TIMP3: variants seen among roughly 807,000 people sequenced by gnomAD.
The protein encoded by TIMP3 is TIMP metallopeptidase inhibitor 3, also known as metalloproteinase inhibitor 3.
In TIMP3, 11 loss-of-function variants were observed where a neutral mutation model predicts 30.0. The observed-to-expected ratio is 0.37, with a 90% CI of 0.23 to 0.61. The LOEUF (loss-of-function observed/expected upper bound fraction) is 0.61, where lower values mean the gene tolerates loss of function less well. Among genes scored for constraint, TIMP3 ranks in the 20% least tolerant of loss-of-function variants. TIMP3 has a pLI of 0.70. For missense variants in TIMP3, 181 were observed against 276.8 expected (o/e 0.65, Z 2.45); for synonymous variants, 112 against 111.3 (o/e 1.01, Z -0.04).
chr22:32,855,177 G>A (rs770100382), intron 2 of TIMP3, among the ~76,000 whole-genome samples: 4 of 152,196 alleles, frequency 2.6e-5, no homozygotes, highest in African/African-American at 9.7e-5. Context: ...ACAGAATTGT[G>A]CAACACCTTG....
In TIMP3 at chr22:32,838,568, C is replaced by T. The variant is rs2047802577; in HGVS notation, c.122-10884C>T. Among the ~76,000 whole-genome samples the T allele has an allele frequency of 2.0e-5, 3 of 152,156 alleles. No homozygotes were observed. The South Asian group carries it at 6.2e-4, about 32-fold the overall frequency. Reference sequence around the variant, plus strand: ...CCTTCCACAGACACATCAACAAGTTCATGGGGGTCTCCTGTAATAGGGTCC... The same window carrying T: ...CCTTCCACAGACACATCAACAAGTTTATGGGGGTCTCCTGTAATAGGGTCC... On this transcript the variant is annotated intron_variant, in intron 1 of 4. Transcript: ENST00000266085.
At chr22:32,820,039 G>T (rs1027888233) in intron 1 of TIMP3, among the ~76,000 whole-genome samples, 2 of 152,054 alleles carry the variant, frequency 1.3e-5, no homozygotes. Flanking sequence ...TTGGTGTGGG[G>T]GGTGGTGCAA....
chr22:32,846,495 G>T (rs987352207), intron 1 of TIMP3, among the ~76,000 whole-genome samples: 1 of 152,196 alleles, frequency 6.6e-6, no homozygotes, highest in African/African-American at 2.4e-5. Context: ...AACACATGAG[G>T]TTTGGGATGG....
chr22:32,849,479 A>G lies in TIMP3; in HGVS notation c.149A>G (p.Lys50Arg). 1 of 1,613,828 alleles carries G rather than the reference A, an allele frequency of 6.2e-7. No individual in the cohort carries two copies. The highest frequency in any genetic ancestry group is 8.5e-7 in the Non-Finnish European group (1 of 1,179,886). The stretch of plus-strand genomic sequence containing the variant: ...ATCCGGGCCAAGGTGGTGGGGAAGA[A>G]GCTGGTAAAGGAGGGGCCCTTCGGC... ...IVIRAKVVGK[K>R]LVKEGPFGTL... Residue 50 changes from lysine to arginine, a missense_variant, in exon 2 of 5, where the codon AAG (lysine) becomes AGG (arginine). This residue lies in a region of TIMP3 where 71 missense variants were observed against 79.7 expected (regional missense o/e 0.89). Coordinates refer to ENST00000266085, the MANE Select transcript of TIMP3 (RefSeq NM_000362.5).
chr22:32,844,581 C>T (rs560840404), intron 1 of TIMP3, among the ~76,000 whole-genome samples: 1 of 152,138 alleles, frequency 6.6e-6, no homozygotes, highest in Non-Finnish European at 1.5e-5. Flanking sequence ...TTCAAGAGGG[C>T]CCCATATATA....
chr22:32,814,131 TGTGTGTGTGTGA>T lies in TIMP3; in HGVS notation c.121+12011_121+12022del, dbSNP rs1367653234. 1.1e-3 allele frequency among the ~76,000 whole-genome samples: 151 copies of T among 134,560 alleles called. 1 individual carries two copies. Among genetic ancestry groups the T allele is most frequent in the South Asian group, 3.7e-3 (15 of 4,072 alleles). 88.3% of individuals were successfully genotyped at this position (134,560 alleles called of 152,430 possible). A position where few individuals can be genotyped will look rare whatever the true frequency, so the allele number is the denominator to read the frequency against. ...TCGTGTGTGTGTGTGTGTGTGTGTG[TGTGTGTGTGTGA>T]GAGAGAGAGAGAGAGAGAGAGAGAA... On this transcript the variant is annotated intron_variant, in intron 1 of 4. Coordinates refer to ENST00000266085, the MANE Select transcript of TIMP3 (RefSeq NM_000362.5).
Position 32,862,807 on chromosome 22 carries a change from A to C in TIMP3, c.*3430A>C, listed in dbSNP as rs2048582560. On this transcript the variant is annotated 3_prime_UTR_variant, in exon 5 of 5. Coordinates refer to ENST00000266085, the MANE Select transcript of TIMP3 (RefSeq NM_000362.5). ...CCAGCATCCGCCTTTCCCTTTAGCC[A>C]GTCTGCTGTCCTGAAACCCAGAAGT... is the stretch of plus-strand genomic sequence containing the variant. 6.6e-6 allele frequency: 1 copy of C among 152,640 alleles called. No individual in the cohort carries two copies. Among genetic ancestry groups the C allele is most frequent in the Non-Finnish European group, 1.5e-5 (1 of 68,038 alleles). The allele number at this position is 152,640 out of a possible 1,614,324, so 9.5% of individuals were successfully genotyped here. A position where few individuals can be genotyped will look rare whatever the true frequency, so the allele number is the denominator to read the frequency against.
intron 1 of TIMP3, among the ~76,000 whole-genome samples, chr22:32,818,660 C>T (rs546517951): frequency 1.8e-4 from 28 of 152,316 alleles, no homozygotes; most frequent in African/African-American, 4.3e-4. Flanking sequence ...TCCCCTCCGG[C>T]GCTGGGCCTC....
intron 2 of TIMP3, 76 bp from the exon 3 acceptor site, chr22:32,857,172 AC>A: frequency 1.8e-6 from 2 of 1,096,530 alleles, no homozygotes; most frequent in Non-Finnish European, 2.8e-6. Flanking sequence ...TTGGATACAT[AC>A]CCAGCAGTGG....
At chr22:32,831,997 C>T (rs1266106874) in intron 1 of TIMP3, among the ~76,000 whole-genome samples, 1 of 152,152 alleles carries the variant, frequency 6.6e-6, no homozygotes, top group East Asian at 1.9e-4. Flanking sequence ...TGTTACAGAT[C>T]AGCAATGTCC....
At chr22:32,812,734 G>A (rs903802299) in intron 1 of TIMP3, among the ~76,000 whole-genome samples, 1 of 152,198 alleles carries the variant, frequency 6.6e-6, no homozygotes, top group African/African-American at 2.4e-5. Context: ...TGATCTGATG[G>A]AACCTTTGTT....
At chr22:32,857,182 GGGATT>G (rs1227337964) in intron 2 of TIMP3, 62 bp from the exon 3 acceptor site, 2 of 1,199,320 alleles carry the variant, frequency 1.7e-6, no homozygotes, top group African/African-American at 3.0e-5. Context: ...ACCCAGCAGT[GGGATT>G]AGGGATCATA....
At chr22:32,835,433 A>C (rs113001019) in intron 1 of TIMP3, among the ~76,000 whole-genome samples, 1 of 152,270 alleles carries the variant, frequency 6.6e-6, no homozygotes, top group Non-Finnish European at 1.5e-5. Flanking sequence ...AGGGCCCCTG[A>C]GAATACAAAA....
chr22:32,820,269 CGTGTGT>C (rs374591413), intron 1 of TIMP3, among the ~76,000 whole-genome samples: 213 of 145,004 alleles, frequency 1.5e-3, no homozygotes, highest in African/African-American at 5.2e-3. Flanking sequence ...TGTGCGTGCG[CGTGTGT>C]GTGTGTGTGT....
intron 1 of TIMP3, among the ~76,000 whole-genome samples, chr22:32,843,085 T>C (rs868681248): frequency 9.2e-5 from 14 of 152,208 alleles, no homozygotes; most frequent in African/African-American, 3.4e-4. Flanking sequence ...CCTCCCATTT[T>C]TTTTTTTCCC....
At chr22:32,850,681 T>C (rs1447593846) in intron 2 of TIMP3, among the ~76,000 whole-genome samples, 1 of 152,184 alleles carries the variant, frequency 6.6e-6, no homozygotes, top group Non-Finnish European at 1.5e-5. Flanking sequence ...CCACAGGAAC[T>C]GTCCAGCCCT....
chr22:32,853,037 G>T (rs562066561), intron 2 of TIMP3, among the ~76,000 whole-genome samples: 1 of 152,286 alleles, frequency 6.6e-6, no homozygotes, highest in East Asian at 1.9e-4. Context: ...CATGTGCTTT[G>T]CATGTCCTGA....
intron 1 of TIMP3, among the ~76,000 whole-genome samples, chr22:32,835,398 A>G (rs2146158810): frequency 6.6e-6 from 1 of 152,306 alleles, no homozygotes; most frequent in East Asian, 1.9e-4. Flanking sequence ...AAATGAATCT[A>G]CGAACATATA....
chr22:32,810,226 G>T (rs1326846575), intron 1 of TIMP3, among the ~76,000 whole-genome samples: 3 of 152,142 alleles, frequency 2.0e-5, no homozygotes, highest in African/African-American at 4.8e-5. Context: ...CTTCAGAGGG[G>T]CCCCAGAGAA....
Sources: allele counts gnomAD v4.1 joint callset (sites outside exome capture counted in the v4.1 genomes callset), GRCh38; gene constraint gnomAD v4.1.1; regional missense constraint gnomAD v4.1.1; transcripts MANE v1.5; gene names NCBI Gene and HGNC (gene_info 2026-07-23, HGNC 2026-07-21).